Variants in HORMAD2 observed in about 807,000 individuals in gnomAD.
HORMAD2 encodes the protein HORMA domain-containing protein 2.
Under a neutral mutation model 38.8 loss-of-function variants are expected in HORMAD2, and 45 were observed. The observed-to-expected ratio is 1.16, with a 90% confidence interval of 0.91 to 1.49. The LOEUF is 1.49. Among genes scored for constraint, HORMAD2 ranks in the 40% most tolerant of loss-of-function variants. The pLI, the probability that HORMAD2 is intolerant of heterozygous loss-of-function variation, is 0.00. For synonymous variants in HORMAD2, 126 were observed against 122.8 expected (o/e 1.03, Z -0.17); for missense variants, 338 against 367.0 (o/e 0.92, Z 0.65).
intron 5 of HORMAD2, among the ~76,000 whole-genome samples, chr22:30,109,157 T>C (rs555253050): frequency 1.3e-5 from 2 of 151,834 alleles, no homozygotes; most frequent in East Asian, 3.9e-4. Context: ...CCCGAGTAGC[T>C]GGGATTACAG....
At chr22:30,092,345 C>CTTTTTTTTT (rs34673975) in intron 1 of HORMAD2, among the ~76,000 whole-genome samples, 5 of 107,962 alleles carry the variant, frequency 4.6e-5, no homozygotes, top group Non-Finnish European at 7.4e-5. Flanking sequence ...AGATCCTTTG[C>CTTTTTTTTT]TTTTTTTTTT....
At chr22:30,170,609 G>T (rs1219446494) in intron 10 of HORMAD2, among the ~76,000 whole-genome samples, 2 of 151,994 alleles carry the variant, frequency 1.3e-5, no homozygotes, top group Non-Finnish European at 2.9e-5. Flanking sequence ...TATTTTCCAT[G>T]TCTTTTCATG....
In HORMAD2 at chr22:30,093,917, T is replaced by A. The variant is rs1160972243; in HGVS notation, c.-36T>A. 2 of 1,480,090 alleles carry A rather than the reference T, an allele frequency of 1.4e-6. No individual in the cohort carries two copies. Among genetic ancestry groups the A allele is most frequent in the East Asian group, 4.6e-5 (2 of 43,462 alleles). 91.7% of individuals were successfully genotyped at this position (1,480,090 alleles called of 1,614,324 possible). On this transcript the variant is annotated splice_region_variant and 5_prime_UTR_variant, in exon 2 of 11. It adds an upstream start codon to the 5' untranslated region. Coordinates refer to ENST00000336726, the MANE Select transcript of HORMAD2 (RefSeq NM_152510.4). ...AATTAATTAATTATTTTTTAATAGG[T>A]TGGACTTGTTGAAATAATCCTGATA...
chr22:30,160,407 C>T (rs1302404490), intron 10 of HORMAD2, among the ~76,000 whole-genome samples: 1 of 151,870 alleles, frequency 6.6e-6, no homozygotes, highest in Non-Finnish European at 1.5e-5. Flanking sequence ...TTGGTCACAA[C>T]CCTCCATTTC....
At chr22:30,091,560 C>T (rs893952090) in intron 1 of HORMAD2, among the ~76,000 whole-genome samples, 6 of 152,088 alleles carry the variant, frequency 3.9e-5, no homozygotes, top group Non-Finnish European at 5.9e-5. Context: ...GCTGCCACCC[C>T]GGCCTATATT....
At chr22:30,197,774 TA>T in the HORMAD2 span, among the ~76,000 whole-genome samples, 979 of 145,972 alleles carry the variant, frequency 6.7e-3, 11 homozygotes, top group African/African-American at 0.02. Flanking sequence ...AATAATGAGT[TA>T]AAAAAAAAAA....
At chr22:30,141,723 T>A (rs1446371869) in intron 10 of HORMAD2, among the ~76,000 whole-genome samples, 3 of 151,700 alleles carry the variant, frequency 2.0e-5, no homozygotes, top group Non-Finnish European at 4.4e-5. Context: ...GCCTCCCAAG[T>A]AGCTGGGATT....
At chr22:30,101,320 A>G (rs1056604747) in intron 3 of HORMAD2, among the ~76,000 whole-genome samples, 2 of 152,160 alleles carry the variant, frequency 1.3e-5, no homozygotes, top group Admixed American at 6.5e-5. Context: ...ATTCTCAGCA[A>G]ACTAACACAG....
chr22:30,199,637 C>T, the HORMAD2 span, among the ~76,000 whole-genome samples: 1 of 152,008 alleles, frequency 6.6e-6, no homozygotes, highest in Admixed American at 6.6e-5. Context: ...TTAATATGTT[C>T]TAATATCTCG....
intron 10 of HORMAD2, among the ~76,000 whole-genome samples, chr22:30,146,191 C>T (rs2146190804): frequency 6.6e-6 from 1 of 152,254 alleles, no homozygotes; most frequent in African/African-American, 2.4e-5. Flanking sequence ...CCATTTGTGA[C>T]TTGAAAATAT....
intron 4 of HORMAD2, among the ~76,000 whole-genome samples, chr22:30,103,876 G>A (rs941225688): frequency 6.6e-6 from 1 of 150,816 alleles, no homozygotes; most frequent in South Asian, 2.1e-4. Flanking sequence ...TGGCCAGGAT[G>A]GTCTCGATCT....
chr22:30,082,083 G>A (rs2068489435), intron 1 of HORMAD2, among the ~76,000 whole-genome samples: 1 of 152,158 alleles, frequency 6.6e-6, no homozygotes, highest in Non-Finnish European at 1.5e-5. Flanking sequence ...TTAAATCAAA[G>A]GGGTTGGAAG....
intron 10 of HORMAD2, among the ~76,000 whole-genome samples, chr22:30,163,902 T>C (rs1350560096): frequency 6.6e-6 from 1 of 152,170 alleles, no homozygotes; most frequent in African/African-American, 2.4e-5. Flanking sequence ...TCCAGAAGTT[T>C]CTTCATCTTC....
At chr22:30,186,475 G>A in the HORMAD2 span, among the ~76,000 whole-genome samples, 13 of 149,594 alleles carry the variant, frequency 8.7e-5, 1 homozygote, top group East Asian at 1.2e-3. Flanking sequence ...TTTTTATTCT[G>A]CAAGACAACA....
chr22:30,154,417 T>G (rs1276306883), intron 10 of HORMAD2, among the ~76,000 whole-genome samples: 2 of 152,236 alleles, frequency 1.3e-5, no homozygotes, highest in Non-Finnish European at 2.9e-5. Context: ...TCCTGTATAC[T>G]GTACTATGTA....
intron 2 of HORMAD2, among the ~76,000 whole-genome samples, chr22:30,096,457 G>C (rs1211495692): frequency 6.6e-6 from 1 of 151,638 alleles, no homozygotes; most frequent in African/African-American, 2.4e-5. Context: ...CATTTTGGTG[G>C]GTGTGTAGTA....
At chr22:30,173,232 G>A (rs1926227490) in intron 10 of HORMAD2, among the ~76,000 whole-genome samples, 1 of 152,244 alleles carries the variant, frequency 6.6e-6, no homozygotes, top group Admixed American at 6.5e-5. Flanking sequence ...AGGTCCATGG[G>A]AAGTTATTAA....
At chr22:30,154,473 A>G (rs900391919) in intron 10 of HORMAD2, among the ~76,000 whole-genome samples, 9 of 152,200 alleles carry the variant, frequency 5.9e-5, no homozygotes, top group African/African-American at 2.2e-4. Context: ...CAATATAACC[A>G]TCAAAACTGA....
intron 3 of HORMAD2, among the ~76,000 whole-genome samples, chr22:30,101,348 T>C (rs1920942927): frequency 6.6e-6 from 1 of 151,890 alleles, no homozygotes; most frequent in South Asian, 2.1e-4. Context: ...AAACCTGTGT[T>C]ATGTATGTTC....
Sources: gnomAD v4.1 joint callset for allele counts (sites outside exome capture counted in the v4.1 genomes callset) on GRCh38, gnomAD v4.1.1 for gene constraint, MANE v1.5 for transcripts, NCBI Gene and HGNC (gene_info 2026-07-23, HGNC 2026-07-21) for gene names.